Variants in PDE1A observed in about 807,000 individuals in gnomAD.
The protein encoded by PDE1A is phosphodiesterase 1A.
Under a neutral mutation model 61.7 loss-of-function variants are expected in PDE1A, and 35 were observed. The observed-to-expected ratio is 0.57, with a 90% CI of 0.43 to 0.75. PDE1A has a LOEUF of 0.75. Ranked by LOEUF, PDE1A falls within the 30% of genes least tolerant of loss-of-function variation. PDE1A has a pLI of 0.00. For missense variants in PDE1A, 597 were observed against 630.6 expected (o/e 0.95, Z 0.57); for synonymous variants, 232 against 213.2 (o/e 1.09, Z -0.77).
chr2:182,403,598 C>CA (rs548993514), intron 1 of PDE1A, among the ~76,000 whole-genome samples: 19,414 of 77,384 alleles, frequency 0.25, 1,988 homozygotes, highest in Middle Eastern at 0.41. Flanking sequence ...GACTCCGTCT[C>CA]AAAAAAAAAA....
the PDE1A span, among the ~76,000 whole-genome samples, chr2:182,568,614 G>A: frequency 4.0e-5 from 6 of 151,850 alleles, no homozygotes; most frequent in African/African-American, 7.2e-5. Context: ...GCAGTGAGCC[G>A]AGATCACACC....
intron 11 of PDE1A, among the ~76,000 whole-genome samples, chr2:182,187,590 T>C (rs1177252782): frequency 6.6e-6 from 1 of 152,164 alleles, no homozygotes; most frequent in African/African-American, 2.4e-5. Context: ...TAATTCACAT[T>C]TCAAGTAACT....
At chr2:182,560,088 G>C in the PDE1A span, among the ~76,000 whole-genome samples, 1 of 149,884 alleles carries the variant, frequency 6.7e-6, no homozygotes, top group Admixed American at 6.6e-5. Context: ...TATACTTTAA[G>C]TTTTAGGGTA....
intron 1 of PDE1A, among the ~76,000 whole-genome samples, chr2:182,327,538 G>C (rs1233623433): frequency 2.0e-5 from 3 of 152,162 alleles, no homozygotes; most frequent in African/African-American, 7.2e-5. Flanking sequence ...AGATGGAGTG[G>C]CCAATGAGTG....
the PDE1A span, among the ~76,000 whole-genome samples, chr2:182,613,497 A>T: frequency 7.3e-5 from 11 of 151,684 alleles, no homozygotes; most frequent in Admixed American, 7.2e-4. Flanking sequence ...TAGGAGGCAG[A>T]GCTTGCAGTT....
At chr2:182,594,770 A>G in the PDE1A span, among the ~76,000 whole-genome samples, 3 of 152,214 alleles carry the variant, frequency 2.0e-5, no homozygotes, top group Admixed American at 1.3e-4. Context: ...ACGGAGTCCA[A>G]CTTATTTAAT....
intron 1 of PDE1A, among the ~76,000 whole-genome samples, chr2:182,272,516 T>C (rs1188809628): frequency 2.6e-5 from 4 of 152,122 alleles, no homozygotes; most frequent in Non-Finnish European, 5.9e-5. Flanking sequence ...AAATTTGAAT[T>C]TTCATGCACT....
chr2:182,568,591 G>A, the PDE1A span, among the ~76,000 whole-genome samples: 3 of 151,418 alleles, frequency 2.0e-5, no homozygotes, highest in Admixed American at 6.6e-5. Context: ...GCATGAACCC[G>A]GGAGGGGAGC....
intron 1 of PDE1A, among the ~76,000 whole-genome samples, chr2:182,386,991 G>A (rs1701146202): frequency 6.6e-6 from 1 of 152,252 alleles, no homozygotes; most frequent in Non-Finnish European, 1.5e-5. Context: ...GGGAAAGGTG[G>A]GGAAAAGATA....
chr2:182,473,548 G>A (rs1211675737), intron 2 of PDE1A, among the ~76,000 whole-genome samples: 2 of 151,600 alleles, frequency 1.3e-5, no homozygotes, highest in Non-Finnish European at 2.9e-5. Flanking sequence ...ATAGGTAAAC[G>A]TGTGTCATGG....
chr2:182,425,677 C>T (rs1008995326), intron 1 of PDE1A, among the ~76,000 whole-genome samples: 4 of 152,094 alleles, frequency 2.6e-5, no homozygotes, highest in African/African-American at 4.8e-5. Context: ...AAATTTTGCT[C>T]ATACGTTTTA....
chr2:182,594,070 T>A, the PDE1A span, among the ~76,000 whole-genome samples: 2 of 152,202 alleles, frequency 1.3e-5, no homozygotes, highest in South Asian at 4.1e-4. Flanking sequence ...AACCATAGAT[T>A]CTTTTTACTT....
chr2:182,273,472 A>T (rs191201879), intron 1 of PDE1A, among the ~76,000 whole-genome samples: 38 of 149,806 alleles, frequency 2.5e-4, no homozygotes, highest in Middle Eastern at 3.5e-3. Context: ...TAACATAAAA[A>T]ATATATATAT....
At chr2:182,167,563 A>G (rs961543000), downstream of PDE1A, among the ~76,000 whole-genome samples, 1 of 152,096 alleles carries the variant, frequency 6.6e-6, no homozygotes, top group African/African-American at 2.4e-5. Context: ...GTATGCCTCT[A>G]TTGTGTAATA....
the PDE1A span, among the ~76,000 whole-genome samples, chr2:182,594,828 C>G: frequency 6.6e-6 from 1 of 152,126 alleles, no homozygotes; most frequent in Non-Finnish European, 1.5e-5. Flanking sequence ...TGCTGGTGGT[C>G]ATAACACTGG....
the PDE1A span, among the ~76,000 whole-genome samples, chr2:182,603,711 G>T: frequency 6.6e-6 from 1 of 152,258 alleles, no homozygotes; most frequent in East Asian, 1.9e-4. Context: ...TTATTTGGAT[G>T]TTTACACTGA....
chr2:182,257,564 A>G (rs1691910629), intron 2 of PDE1A, among the ~76,000 whole-genome samples: 1 of 152,228 alleles, frequency 6.6e-6, no homozygotes. Context: ...TGTCTTCACC[A>G]TGAGCACAGC....
chr2:182,211,104 A>T (rs1687555353), intron 7 of PDE1A, among the ~76,000 whole-genome samples: 1 of 151,774 alleles, frequency 6.6e-6, no homozygotes, highest in Admixed American at 6.6e-5. Context: ...AGGATAGAAC[A>T]CTCCTGACCT....
the PDE1A span, among the ~76,000 whole-genome samples, chr2:182,634,782 C>A: frequency 1.1e-5 from 1 of 92,710 alleles, no homozygotes; most frequent in African/African-American, 3.5e-5. Context: ...GCAATTTGCA[C>A]TGGCAAAATA....
Sources: gnomAD v4.1 joint callset for allele counts (sites outside exome capture counted in the v4.1 genomes callset) on GRCh38, gnomAD v4.1.1 for gene constraint, MANE v1.5 for transcripts, NCBI Gene and HGNC (gene_info 2026-07-23, HGNC 2026-07-21) for gene names.